GPM6A: variants seen among roughly 807,000 people sequenced by gnomAD.
GPM6A encodes the protein glycoprotein M6A, also known as neuronal membrane glycoprotein M6-a.
In GPM6A, 7 loss-of-function variants were observed where a neutral mutation model predicts 32.1. The observed-to-expected ratio is 0.22, with a 90% CI of 0.12 to 0.41. GPM6A has a LOEUF of 0.41. Among genes scored for constraint, GPM6A ranks in the 10% least tolerant of loss-of-function variants. The pLI is 1.00. For missense variants in GPM6A, 235 were observed against 347.2 expected, an observed-to-expected ratio of 0.68 and a Z score of 2.57; for synonymous variants, 130 against 123.4, an observed-to-expected ratio of 1.05 and a Z score of -0.35.
At chr4:175,962,153 G>T (rs1445034927) in intron 1 of GPM6A, 3 of 857,386 alleles carry the variant, frequency 3.5e-6, no homozygotes, top group African/African-American at 3.3e-5. Context: ...AGGACATCAA[G>T]CATCAACCCA....
chr4:175,906,008 G>A (rs1480205085), intron 1 of GPM6A, among the ~76,000 whole-genome samples: 3 of 152,032 alleles, frequency 2.0e-5, no homozygotes, highest in African/African-American at 4.8e-5. Context: ...ATTGCAGCAG[G>A]GACTTCTCTT....
chr4:175,978,478 C>T (rs1417547969), intron 1 of GPM6A, among the ~76,000 whole-genome samples: 3 of 152,014 alleles, frequency 2.0e-5, no homozygotes, highest in African/African-American at 7.3e-5. Context: ...TTTTAGAGTA[C>T]CCAAAAAAAG....
intron 1 of GPM6A, among the ~76,000 whole-genome samples, chr4:175,946,157 A>C (rs1299298301): frequency 6.6e-6 from 1 of 152,230 alleles, no homozygotes; most frequent in East Asian, 1.9e-4. Context: ...TAAAAATTAA[A>C]AAAATTAAAC....
chr4:175,910,030 C>T (rs891932162), intron 1 of GPM6A, among the ~76,000 whole-genome samples: 5 of 152,034 alleles, frequency 3.3e-5, no homozygotes, highest in African/African-American at 1.2e-4. Flanking sequence ...GTAAGCTGAC[C>T]CTGACTTTCT....
At chr4:175,662,327 C>T (rs1156721065) in intron 3 of GPM6A, among the ~76,000 whole-genome samples, 3 of 152,078 alleles carry the variant, frequency 2.0e-5, no homozygotes, top group African/African-American at 4.8e-5. Context: ...AGGCCAGGCT[C>T]GGTGGCTCAC....
chr4:175,833,727 T>C (rs1402810484), intron 1 of GPM6A, among the ~76,000 whole-genome samples: 1 of 152,078 alleles, frequency 6.6e-6, no homozygotes, highest in Non-Finnish European at 1.5e-5. Context: ...CTTGCAGTCA[T>C]CTGAACTTTT....
chr4:175,886,483 T>A (rs1737459889), intron 1 of GPM6A, among the ~76,000 whole-genome samples: 2 of 152,092 alleles, frequency 1.3e-5, no homozygotes, highest in Non-Finnish European at 2.9e-5. Flanking sequence ...TCACAGAACC[T>A]TACTGAAATA....
At chr4:175,900,924 T>C (rs1057470291) in intron 1 of GPM6A, among the ~76,000 whole-genome samples, 1 of 152,262 alleles carries the variant, frequency 6.6e-6, no homozygotes, top group East Asian at 1.9e-4. Context: ...AGATACACAA[T>C]GGAGTACTAT....
chr4:175,955,982 C>T (rs538396332), intron 1 of GPM6A, among the ~76,000 whole-genome samples: 9 of 152,250 alleles, frequency 5.9e-5, no homozygotes, highest in East Asian at 5.8e-4. Flanking sequence ...GACAAATACT[C>T]GGGTAAGGGC....
At chr4:175,948,406 C>T (rs1739684593) in intron 1 of GPM6A, among the ~76,000 whole-genome samples, 1 of 152,132 alleles carries the variant, frequency 6.6e-6, no homozygotes, top group Non-Finnish European at 1.5e-5. Context: ...GAGGAGGGCC[C>T]TCGCTGAGAA....
At chr4:175,864,005 A>C (rs986347144) in intron 1 of GPM6A, among the ~76,000 whole-genome samples, 29 of 151,342 alleles carry the variant, frequency 1.9e-4, no homozygotes, top group Non-Finnish European at 2.9e-5. Context: ...TGTCTCCGAA[A>C]AAAAAAGAAA....
At chr4:175,958,456 C>A (rs1357378170) in intron 1 of GPM6A, among the ~76,000 whole-genome samples, 1 of 152,174 alleles carries the variant, frequency 6.6e-6, no homozygotes, top group Non-Finnish European at 1.5e-5. Context: ...AAGCCACTAC[C>A]CTTGAGAACC....
rs546461939 is a variant in GPM6A at position 175,905,292 on chromosome 4, C to G, written c.-22-93043G>C. Among the ~76,000 whole-genome samples the G allele has an allele frequency of 3.3e-5, 5 of 152,294 alleles. 1 individual carries two copies. The South Asian group carries it at 1.0e-3, about 32-fold the overall frequency. The stretch of plus-strand genomic sequence containing the variant: ...AGGTCAAGCTTGTCCAATCCACTGC[C>G]TGTGGGCTACATGTGGCCCAGAATG... On this transcript the variant is annotated intron_variant, in intron 1 of 7. Transcript: ENST00000280187.
At chr4:175,963,423 G>A (rs1429294698) in intron 1 of GPM6A, among the ~76,000 whole-genome samples, 1 of 152,078 alleles carries the variant, frequency 6.6e-6, no homozygotes, top group Non-Finnish European at 1.5e-5. Flanking sequence ...TGGAGAGTGG[G>A]TGAGCCTACC....
intron 3 of GPM6A, among the ~76,000 whole-genome samples, chr4:175,658,588 A>T (rs1046577815): frequency 2.0e-5 from 3 of 152,294 alleles, no homozygotes; most frequent in South Asian, 4.2e-4. Flanking sequence ...GGCAATTGTG[A>T]TGTGTCAATG....
chr4:175,923,466 G>A (rs2111530026), intron 1 of GPM6A, among the ~76,000 whole-genome samples: 1 of 151,210 alleles, frequency 6.6e-6, no homozygotes, highest in African/African-American at 2.4e-5. Context: ...AGAAGTCGGT[G>A]ATGGAGGGGA....
intron 1 of GPM6A, among the ~76,000 whole-genome samples, chr4:175,852,190 C>T (rs1736280212): frequency 6.6e-6 from 1 of 151,514 alleles, no homozygotes; most frequent in African/African-American, 2.4e-5. Context: ...TAGGATGTAA[C>T]AGATACTCCA....
intron 1 of GPM6A, among the ~76,000 whole-genome samples, chr4:175,856,478 G>T (rs970977329): frequency 3.9e-5 from 6 of 152,222 alleles, no homozygotes; most frequent in African/African-American, 1.4e-4. Context: ...GACCTCTGGA[G>T]CCCCAGAGGG....
At chr4:175,744,113 C>T (rs914375454) in intron 1 of GPM6A, among the ~76,000 whole-genome samples, 3 of 151,888 alleles carry the variant, frequency 2.0e-5, no homozygotes, top group African/African-American at 7.3e-5. Context: ...CAAAATAGGC[C>T]GTAGAGTAAG....
Sources: allele counts gnomAD v4.1 joint callset (sites outside exome capture counted in the v4.1 genomes callset), GRCh38; gene constraint gnomAD v4.1.1; transcripts MANE v1.5; gene names NCBI Gene and HGNC (gene_info 2026-07-23, HGNC 2026-07-21).